FUT8: variants seen among roughly 807,000 people sequenced by gnomAD.
FUT8 encodes the protein fucosyltransferase 8, also known as alpha-(1,6)-fucosyltransferase.
FUT8 carries 29 observed loss-of-function variants against 71.3 expected under a neutral mutation model. The observed-to-expected ratio is 0.41, with a 90% CI of 0.30 to 0.55. The LOEUF (loss-of-function observed/expected upper bound fraction) is 0.55. Ranked by LOEUF, FUT8 falls within the 20% of genes least tolerant of loss-of-function variation. The pLI is 0.34. For synonymous variants in FUT8, 254 were observed against 239.3 expected (o/e 1.06, Z -0.57); for missense variants, 544 against 702.1 (o/e 0.77, Z 2.55).
intron 7 of FUT8, among the ~76,000 whole-genome samples, chr14:65,682,554 C>A (rs1294128895): frequency 6.6e-6 from 1 of 151,612 alleles, no homozygotes; most frequent in Non-Finnish European, 1.5e-5. Flanking sequence ...GTCATTCCAG[C>A]CAGAAAACTT....
the FUT8 span, among the ~76,000 whole-genome samples, chr14:65,357,551 C>T: frequency 6.6e-6 from 1 of 152,146 alleles, no homozygotes; most frequent in Admixed American, 6.5e-5. Flanking sequence ...TTTGAGGGCC[C>T]CCAACACATC....
chr14:65,472,268 T>C lies in FUT8; in HGVS notation c.-228+16550T>C, dbSNP rs1350218578. On this transcript the variant is annotated intron_variant, in intron 2 of 10. Coordinates refer to ENST00000673929, the MANE Select transcript of FUT8 (RefSeq NM_001371533.1). This position sits in a 1 kb window ranked among gnomAD's most constrained non-coding sequence, Gnocchi z 4.4. ...AAAGGGTGGGAGGAGGGGCCCTGGCTCTTTTTAACAACCAGCTCTTGGGGG... is the reference window on the plus strand; with the variant it reads ...AAAGGGTGGGAGGAGGGGCCCTGGCCCTTTTTAACAACCAGCTCTTGGGGG... Among the ~76,000 whole-genome samples the C allele has an allele frequency of 7.2e-5, 11 of 152,098 alleles. No individual in the cohort carries two copies. The highest frequency in any genetic ancestry group is 5.9e-5 in the Non-Finnish European group (4 of 68,022).
intron 3 of FUT8, among the ~76,000 whole-genome samples, chr14:65,577,735 T>C (rs1349938764): frequency 1.3e-5 from 2 of 152,164 alleles, no homozygotes; most frequent in Non-Finnish European, 2.9e-5. Flanking sequence ...GGGTCTAGGA[T>C]CTACAATTGT....
At chr14:65,732,098 A>C (rs1594947676) in intron 9 of FUT8, among the ~76,000 whole-genome samples, 1 of 152,324 alleles carries the variant, frequency 6.6e-6, no homozygotes, top group Middle Eastern at 3.4e-3. Flanking sequence ...CAAATGTGAC[A>C]TTTTCTTCAT....
intron 2 of FUT8, among the ~76,000 whole-genome samples, chr14:65,551,510 AT>A (rs1358783517): frequency 6.6e-6 from 1 of 152,166 alleles, no homozygotes; most frequent in African/African-American, 2.4e-5. Context: ...ATGGTTAAAA[AT>A]TTCCTAAGAG....
chr14:65,700,907 TC>T (rs1894265536), intron 7 of FUT8, among the ~76,000 whole-genome samples: 1 of 152,212 alleles, frequency 6.6e-6, no homozygotes, highest in South Asian at 2.1e-4. Context: ...ATTAGACCAT[TC>T]TTTGATCTGC....
rs145031218 is a variant in FUT8, at chr14:65,483,197, G to A, written c.-228+27479G>A. The stretch of plus-strand genomic sequence containing the variant: ...CTGGTGCAGCACTACAGCAACTTCC[G>A]TGCTATTCAGTGAGAGGACTGTGTT... On this transcript the variant is annotated intron_variant, in intron 2 of 10. Coordinates refer to ENST00000673929, the MANE Select transcript of FUT8 (RefSeq NM_001371533.1). This position sits in a 1 kb window ranked among gnomAD's most constrained non-coding sequence, Gnocchi z 4.4. 6.4e-4 allele frequency among the ~76,000 whole-genome samples: 98 copies of A among 152,310 alleles called. No individual in the cohort carries two copies. Among genetic ancestry groups the A allele is most frequent in the Non-Finnish European group, 1.2e-3 (82 of 68,026 alleles).
chr14:65,374,916 A>T, the FUT8 span, among the ~76,000 whole-genome samples: 2 of 152,024 alleles, frequency 1.3e-5, no homozygotes, highest in African/African-American at 4.8e-5. Flanking sequence ...GGTGAGTTGT[A>T]AATGTAACTA....
intron 6 of FUT8, among the ~76,000 whole-genome samples, chr14:65,633,661 G>A (rs1890347543): frequency 6.6e-6 from 1 of 151,428 alleles, no homozygotes; most frequent in South Asian, 2.1e-4. Context: ...GAGCGCCTCT[G>A]CCCGGCCACG....
chr14:65,435,531 C>G (rs116366572), intron 1 of FUT8, among the ~76,000 whole-genome samples: 3,712 of 152,250 alleles, frequency 0.024, 141 homozygotes, highest in African/African-American at 0.085. Context: ...TAGCTTATTG[C>G]TGGTTTTTGG....
intron 3 of FUT8, among the ~76,000 whole-genome samples, chr14:65,584,641 T>C (rs1887277595): frequency 1.3e-5 from 2 of 152,220 alleles, no homozygotes; most frequent in African/African-American, 2.4e-5. Flanking sequence ...GTAGAGAAAT[T>C]CAAGAGATTG....
intron 2 of FUT8, among the ~76,000 whole-genome samples, chr14:65,476,844 C>T (rs2066253823): frequency 6.6e-6 from 1 of 152,014 alleles, no homozygotes. Context: ...TGGCTCTGGT[C>T]TGAATACATT....
At chr14:65,525,304 G>A (rs1327212659) in intron 2 of FUT8, among the ~76,000 whole-genome samples, 2 of 152,170 alleles carry the variant, frequency 1.3e-5, no homozygotes, top group Non-Finnish European at 2.9e-5. Flanking sequence ...GGGTGTATGT[G>A]TCTAGGAATT....
At chr14:65,400,432 T>C in the FUT8 span, among the ~76,000 whole-genome samples, 2 of 152,338 alleles carry the variant, frequency 1.3e-5, no homozygotes, top group Middle Eastern at 3.4e-3. Context: ...CCATCAAATA[T>C]CCATATACTC....
chr14:65,521,530 G>C (rs1202806614), intron 2 of FUT8, among the ~76,000 whole-genome samples: 1 of 152,140 alleles, frequency 6.6e-6, no homozygotes, highest in Non-Finnish European at 1.5e-5. Context: ...TCACTAAGAA[G>C]GTGATAGTTG....
intron 7 of FUT8, among the ~76,000 whole-genome samples, chr14:65,694,305 C>T (rs896264207): frequency 5.9e-5 from 9 of 152,060 alleles, no homozygotes; most frequent in East Asian, 1.9e-4. Context: ...TTCAGTGCTG[C>T]GAATATACAT....
rs2139385546 is a variant in FUT8 at position 65,421,708 on chromosome 14, C to T, written c.-326+8494C>T. On this transcript the variant is annotated intron_variant, in intron 1 of 10. Coordinates refer to ENST00000673929, the MANE Select transcript of FUT8 (RefSeq NM_001371533.1). ...TGTGATGTCTATTTCTTGAATTTCT[C>T]CAAGATTTGTATCTTGAAACCCTTT... Among the ~76,000 whole-genome samples the T allele has an allele frequency of 3.4e-5, 5 of 147,870 alleles. No homozygotes were observed. The Middle Eastern group carries it at 0.014, about 426-fold the overall frequency.
chr14:65,493,138 C>T (rs751329355), intron 2 of FUT8, among the ~76,000 whole-genome samples: 3 of 152,138 alleles, frequency 2.0e-5, no homozygotes, highest in African/African-American at 4.8e-5. Context: ...AATGATATAG[C>T]GTCTAGATTT....
At chr14:65,621,725 C>A (rs1462609904) in intron 5 of FUT8, among the ~76,000 whole-genome samples, 1 of 151,810 alleles carries the variant, frequency 6.6e-6, no homozygotes, top group Non-Finnish European at 1.5e-5. Context: ...CTACACCCAG[C>A]TAATTTTGTA....
Sources: gnomAD v4.1 joint callset for allele counts (sites outside exome capture counted in the v4.1 genomes callset) on GRCh38, gnomAD v4.1.1 for gene constraint, Gnocchi (gnomAD v3.1) non-coding constraint, MANE v1.5 for transcripts, NCBI Gene and HGNC (gene_info 2026-07-23, HGNC 2026-07-21) for gene names.